SORCS1: variants seen among roughly 807,000 people sequenced by gnomAD.
SORCS1 encodes the protein sortilin related VPS10 domain containing receptor 1.
In SORCS1, 60 loss-of-function variants were observed where a neutral mutation model predicts 146.1. The observed-to-expected ratio is 0.41, with a 90% CI of 0.33 to 0.51. The LOEUF is 0.51. Ranked by LOEUF, SORCS1 falls within the 20% of genes least tolerant of loss-of-function variation. SORCS1 has a pLI of 0.21. For missense variants in SORCS1, 1,352 were observed against 1,487.6 expected, an observed-to-expected ratio of 0.91 and a Z score of 1.50; for synonymous variants, 637 against 584.0, an observed-to-expected ratio of 1.09 and a Z score of -1.31.
intron 3 of SORCS1, among the ~76,000 whole-genome samples, chr10:106,779,185 C>T (rs1414601804): frequency 6.6e-6 from 1 of 152,130 alleles, no homozygotes; most frequent in African/African-American, 2.4e-5. Flanking sequence ...TAAAACTCTC[C>T]ATCTGAGAAT....
At chr10:106,667,522 G>C (rs1190571196) in intron 17 of SORCS1, among the ~76,000 whole-genome samples, 167 bp downstream of exon 17, 1 of 152,168 alleles carries the variant, frequency 6.6e-6, no homozygotes, top group Non-Finnish European at 1.5e-5. Flanking sequence ...CATGAAACTT[G>C]CACTATTAGT....
rs373975423 is a variant in SORCS1, at chr10:106,729,469, G to A, written c.1024+581C>T. ...TTTTTTTTTTTTTAATTCTTTCCAA[G>A]TGTTTTGTGAATCTCCAAACAAGAC... On this transcript the variant is annotated intron_variant, in intron 6 of 25. Coordinates refer to ENST00000263054, the MANE Select transcript of SORCS1 (RefSeq NM_052918.5). 2.5e-3 allele frequency among the ~76,000 whole-genome samples: 379 copies of A among 150,566 alleles called. 5 individuals carry two copies. Among genetic ancestry groups the A allele is most frequent in the African/African-American group, 8.8e-3 (360 of 40,916 alleles).
At chr10:106,844,164 A>G (rs1589532816) in intron 2 of SORCS1, among the ~76,000 whole-genome samples, 2 of 152,196 alleles carry the variant, frequency 1.3e-5, no homozygotes, top group Non-Finnish European at 2.9e-5. Flanking sequence ...TTCATATACT[A>G]TTGGCTTTTT....
intron 1 of SORCS1, among the ~76,000 whole-genome samples, chr10:107,120,428 T>C (rs1443568983): frequency 1.3e-5 from 2 of 152,236 alleles, no homozygotes; most frequent in Non-Finnish European, 2.9e-5. Flanking sequence ...AGTATTATAT[T>C]ATTCTATTCT....
At chr10:106,717,709 A>AACT (rs2135910884) in intron 6 of SORCS1, among the ~76,000 whole-genome samples, 1 of 152,350 alleles carries the variant, frequency 6.6e-6, no homozygotes, top group South Asian at 2.1e-4. Context: ...TGCAAAAAGT[A>AACT]ACTGCAGTAA....
chr10:106,874,065 T>A (rs527362874), intron 2 of SORCS1, among the ~76,000 whole-genome samples: 1 of 152,222 alleles, frequency 6.6e-6, no homozygotes, highest in Admixed American at 6.5e-5. Flanking sequence ...TTAGTCAATA[T>A]AGAGTACTTT....
intron 17 of SORCS1, among the ~76,000 whole-genome samples, chr10:106,664,578 G>A (rs1263887884): frequency 6.6e-6 from 1 of 152,106 alleles, no homozygotes; most frequent in Admixed American, 6.6e-5. Context: ...GGAGGCGGAG[G>A]TTGCAGTGAG....
chr10:107,093,678 C>CAAAA (rs35208711), intron 1 of SORCS1, among the ~76,000 whole-genome samples: 1 of 132,396 alleles, frequency 7.6e-6, no homozygotes. Flanking sequence ...GACTCAGTCT[C>CAAAA]AAAAAAAAAA....
chr10:107,039,402 T>C (rs901637729), intron 1 of SORCS1, among the ~76,000 whole-genome samples: 1 of 151,464 alleles, frequency 6.6e-6, no homozygotes, highest in East Asian at 1.9e-4. Flanking sequence ...TCTGGCCCTA[T>C]ATAATGTTGC....
intron 1 of SORCS1, among the ~76,000 whole-genome samples, chr10:107,091,115 A>C (rs2134308907): frequency 6.6e-6 from 1 of 152,340 alleles, no homozygotes; most frequent in African/African-American, 2.4e-5. Flanking sequence ...TACCAACAAA[A>C]GTAGTTCATG....
chr10:107,139,683 T>C (rs1437802636), intron 1 of SORCS1, among the ~76,000 whole-genome samples: 1 of 152,230 alleles, frequency 6.6e-6, no homozygotes, highest in Non-Finnish European at 1.5e-5. Flanking sequence ...GCTCTCCATA[T>C]GCCAAACCAT....
chr10:107,147,155 T>G (rs965317428), intron 1 of SORCS1, among the ~76,000 whole-genome samples: 1 of 152,210 alleles, frequency 6.6e-6, no homozygotes, highest in African/African-American at 2.4e-5. Context: ...TAACCTACAA[T>G]TCTTTTTCTT....
intron 3 of SORCS1, among the ~76,000 whole-genome samples, chr10:106,798,641 TATTCCATG>T (rs1250609282): frequency 1.3e-5 from 2 of 152,224 alleles, no homozygotes; most frequent in Non-Finnish European, 2.9e-5. Context: ...GGCTGCATAG[TATTCCATG>T]GTGTATATGT....
At chr10:106,869,295 A>G (rs1011164624) in intron 2 of SORCS1, among the ~76,000 whole-genome samples, 1 of 152,132 alleles carries the variant, frequency 6.6e-6, no homozygotes, top group African/African-American at 2.4e-5. Flanking sequence ...TTACTGAAAC[A>G]TCTCCAGAAA....
chr10:106,711,083 A>C (rs1854945818), intron 6 of SORCS1, among the ~76,000 whole-genome samples: 1 of 152,204 alleles, frequency 6.6e-6, no homozygotes, highest in South Asian at 2.1e-4. Context: ...AATCTCTATA[A>C]AGACAAATGC....
In SORCS1 at chr10:106,761,681, C is replaced by A; in HGVS notation, c.886-20G>T. On this transcript the variant is annotated intron_variant, in intron 4 of 25. Coordinates refer to ENST00000263054, the MANE Select transcript of SORCS1 (RefSeq NM_052918.5). The stretch of plus-strand genomic sequence containing the variant: ...GTATAACTGTAAAGAACAGAAATTA[C>A]TCAGCACTATGGTTCTATAGTACAT... 2 of 1,607,792 alleles carry A rather than the reference C, an allele frequency of 1.2e-6. No individual in the cohort carries two copies. Among genetic ancestry groups the A allele is most frequent in the Non-Finnish European group, 8.5e-7 (1 of 1,174,410 alleles).
chr10:106,718,409 T>A (rs1855535193), intron 6 of SORCS1, among the ~76,000 whole-genome samples: 1 of 152,186 alleles, frequency 6.6e-6, no homozygotes, highest in Non-Finnish European at 1.5e-5. Context: ...TTACAGTTCT[T>A]AAAGATGGTG....
At chr10:106,857,097 T>C (rs893017293) in intron 2 of SORCS1, among the ~76,000 whole-genome samples, 2 of 152,166 alleles carry the variant, frequency 1.3e-5, no homozygotes, top group African/African-American at 4.8e-5. Flanking sequence ...CTAAGTGCCC[T>C]GAAAGCAGTG....
At chr10:106,629,874 T>C (rs1029447424) in intron 18 of SORCS1, among the ~76,000 whole-genome samples, 3 of 152,028 alleles carry the variant, frequency 2.0e-5, no homozygotes, top group African/African-American at 7.3e-5. Context: ...TGAAACCCCG[T>C]CTCTACTAAA....
Sources: allele counts gnomAD v4.1 joint callset (sites outside exome capture counted in the v4.1 genomes callset), GRCh38; gene constraint gnomAD v4.1.1; transcripts MANE v1.5; gene names NCBI Gene and HGNC (gene_info 2026-07-23, HGNC 2026-07-21).